Variants in PRKCZ observed in about 807,000 individuals in gnomAD.
PRKCZ encodes protein kinase C zeta type.
PRKCZ carries 33 observed loss-of-function variants against 79.5 expected under a neutral mutation model. The observed-to-expected ratio is 0.41, with a 90% CI of 0.31 to 0.55. PRKCZ has a LOEUF of 0.55. PRKCZ is among the 20% of genes least tolerant of loss of function. The pLI, the probability that PRKCZ is intolerant of heterozygous loss-of-function variation, is 0.19. For synonymous variants in PRKCZ, 342 were observed against 320.9 expected (o/e 1.07, Z -0.70); for missense variants, 578 against 813.5 (o/e 0.71, Z 3.52).
intron 10 of PRKCZ, among the ~76,000 whole-genome samples, chr1:2,162,482 C>T (rs113137365): frequency 5.3e-5 from 8 of 152,214 alleles, no homozygotes; most frequent in South Asian, 2.1e-4. Context: ...TTACCTGGGG[C>T]GAAATTGACA....
intron 16 of PRKCZ, among the ~76,000 whole-genome samples, chr1:2,176,567 C>T (rs1232953152): frequency 1.3e-5 from 2 of 152,172 alleles, no homozygotes; most frequent in African/African-American, 4.8e-5. Context: ...AATACACTCT[C>T]AAGGAAAAAA....
intron 4 of PRKCZ, among the ~76,000 whole-genome samples, chr1:2,115,530 A>G (rs1670588023): frequency 6.6e-6 from 1 of 152,164 alleles, no homozygotes; most frequent in South Asian, 2.1e-4. Flanking sequence ...CTCTGACATC[A>G]ATTACCTGAC....
chr1:2,142,491 C>A, intron 5 of PRKCZ: 1 of 290,516 alleles, frequency 3.4e-6, no homozygotes. Context: ...TCCACACATC[C>A]AGCAGGTGCC....
intron 4 of PRKCZ, among the ~76,000 whole-genome samples, chr1:2,089,607 A>C (rs545424920): frequency 2.6e-5 from 4 of 152,210 alleles, no homozygotes; most frequent in Admixed American, 2.6e-4. Flanking sequence ...CCCTTTGAAA[A>C]GCACTATTAA....
intron 6 of PRKCZ, chr1:2,145,204 AC>A (rs967888347): frequency 1.3e-5 from 2 of 152,198 alleles, no homozygotes; most frequent in African/African-American, 4.8e-5. Context: ...ATGCCCTTTG[AC>A]CTCATAGGTC....
chr1:2,110,529 T>C lies in PRKCZ; in HGVS notation c.335-24733T>C, dbSNP rs180901484. 3.6e-4 allele frequency among the ~76,000 whole-genome samples: 54 copies of C among 152,074 alleles called. 1 individual carries two copies. Among genetic ancestry groups the C allele is most frequent in the Non-Finnish European group, 6.6e-4 (45 of 67,978 alleles). ...TCCGGAGTCCCCCAAGTCCATTGAGTCCACTGGGCCCGAAGAGGGAAACAG... is the reference window on the plus strand; with the variant it reads ...TCCGGAGTCCCCCAAGTCCATTGAGCCCACTGGGCCCGAAGAGGGAAACAG... On this transcript the variant is annotated intron_variant, in intron 4 of 17. Transcript: ENST00000378567.
chr1:2,080,325 A>ACGTGGCGGTGCGCGTGGACGTGGCG (rs1663245568), intron 4 of PRKCZ, among the ~76,000 whole-genome samples: 2 of 150,560 alleles, frequency 1.3e-5, no homozygotes, highest in African/African-American at 5.0e-5. Context: ...AGGTAGGGGC[A>ACGTGGCGGTGCGCGTGGACGTGGCG]GTGCGCGTGG....
At chr1:2,184,099 AC>A (rs1687157346) in intron 16 of PRKCZ, 1 of 153,682 alleles carries the variant, frequency 6.5e-6, no homozygotes, top group Non-Finnish European at 1.4e-5. Flanking sequence ...GCCAAGCAGC[AC>A]CTGAGATTCT....
At chr1:2,157,712 GT>G (rs71578360) in intron 10 of PRKCZ, among the ~76,000 whole-genome samples, 1,358 of 134,142 alleles carry the variant, frequency 0.01, 16 homozygotes, top group African/African-American at 0.029. Context: ...CGCCTCCAGA[GT>G]TTTTTTTTTT....
At position 2,174,136 on chromosome 1, in the gene PRKCZ, C is replaced by T. The variant is rs1050447584; in HGVS notation, c.1405+120C>T. On this transcript the variant is annotated intron_variant, in intron 14 of 17. Coordinates refer to ENST00000378567, the MANE Select transcript of PRKCZ (RefSeq NM_002744.6). This position sits in a 1 kb window ranked among gnomAD's most constrained non-coding sequence, Gnocchi z 6.2. ...AGCGGCAGTGCCATGCAAAGCGTACCGGGAACCATTCCTCCTGGCCAGACC... is the reference window on the plus strand; with the variant it reads ...AGCGGCAGTGCCATGCAAAGCGTACTGGGAACCATTCCTCCTGGCCAGACC... The T allele has an allele frequency of 2.2e-5, 29 of 1,303,838 alleles. No homozygotes were observed. Among genetic ancestry groups the T allele is most frequent in the Admixed American group, 9.3e-5 (3 of 32,410 alleles). The allele number at this position is 1,303,838 out of a possible 1,614,324, so 80.8% of individuals were successfully genotyped here.
intron 4 of PRKCZ, among the ~76,000 whole-genome samples, chr1:2,069,958 G>A (rs774399074): frequency 6.6e-6 from 1 of 152,162 alleles, no homozygotes; most frequent in African/African-American, 2.4e-5. Context: ...CAGGGTGCCC[G>A]CCCTGTGGAG....
chr1:2,153,390 C>T (rs536887216), intron 9 of PRKCZ, among the ~76,000 whole-genome samples: 84 of 152,356 alleles, frequency 5.5e-4, no homozygotes, highest in South Asian at 1.5e-3. Context: ...CGTCGAGCCC[C>T]GATGGGCCAC....
intron 2 of PRKCZ, among the ~76,000 whole-genome samples, chr1:2,056,199 G>A (rs1362624136): frequency 1.3e-5 from 2 of 152,242 alleles, no homozygotes; most frequent in African/African-American, 2.4e-5. Context: ...GACCTCCGGA[G>A]AGTGTCCTCA....
rs1213125052 is a variant in PRKCZ, at chr1:2,168,239, G to C, written c.975-1279G>C. 1.3e-5 allele frequency among the ~76,000 whole-genome samples: 2 copies of C among 152,176 alleles called. No individual in the cohort carries two copies. Among genetic ancestry groups the C allele is most frequent in the Non-Finnish European group, 2.9e-5 (2 of 68,040 alleles). On this transcript the variant is annotated intron_variant, in intron 10 of 17. Transcript: ENST00000378567. This position sits in a 1 kb window ranked among gnomAD's most constrained non-coding sequence, Gnocchi z 4.7. ...GGCTGGAAAGCAGACATAGAAAATA[G>C]ATGCACCAGTGAGCATAGCCTCGTT...
At chr1:2,104,699 C>G in intron 4 of PRKCZ, 2 of 985,840 alleles carry the variant, frequency 2.0e-6, no homozygotes, top group Non-Finnish European at 2.4e-6. Flanking sequence ...CTGGGCCTGC[C>G]CTGGCGAGGG....
rs983827677 is a variant in PRKCZ, at chr1:2,172,867, C to T, written c.1285+479C>T. ...AAACGGGGACATGGGCACGCGTGTG[C>T]AGCCGTGTGTGCGTGTGTGAAACGG... On this transcript the variant is annotated intron_variant, in intron 13 of 17. Transcript: ENST00000378567. This position sits in a 1 kb window ranked among gnomAD's most constrained non-coding sequence, Gnocchi z 7.8. Among the ~76,000 whole-genome samples the T allele has an allele frequency of 2.6e-5, 4 of 152,198 alleles. No individual in the cohort carries two copies. Among genetic ancestry groups the T allele is most frequent in the Admixed American group, 1.3e-4 (2 of 15,284 alleles).
At chr1:2,158,034 C>T (rs1351981869) in intron 10 of PRKCZ, among the ~76,000 whole-genome samples, 2 of 152,180 alleles carry the variant, frequency 1.3e-5, no homozygotes, top group African/African-American at 4.8e-5. Context: ...TCTTGGCTCT[C>T]CTGACCGCAG....
At chr1:2,181,062 GC>G (rs1167995683) in intron 16 of PRKCZ, among the ~76,000 whole-genome samples, 1 of 150,812 alleles carries the variant, frequency 6.6e-6, no homozygotes, top group African/African-American at 2.4e-5. Flanking sequence ...GCCTAGCCCA[GC>G]CCCCCAGCCC....
chr1:2,069,171 C>T (rs143813844), intron 4 of PRKCZ, among the ~76,000 whole-genome samples: 161 of 152,334 alleles, frequency 1.1e-3, no homozygotes, highest in African/African-American at 3.8e-3. Flanking sequence ...TCAGCCCCGC[C>T]CGGGAGAGCC....
Sources: gnomAD v4.1 joint callset for allele counts (sites outside exome capture counted in the v4.1 genomes callset) on GRCh38, gnomAD v4.1.1 for gene constraint, Gnocchi (gnomAD v3.1) non-coding constraint, MANE v1.5 for transcripts, NCBI Gene and HGNC (gene_info 2026-07-23, HGNC 2026-07-21) for gene names.